Variants in DLGAP2 observed in about 807,000 individuals in gnomAD.
DLGAP2 encodes the protein disks large-associated protein 2.
A neutral mutation model predicts 100.3 loss-of-function variants in DLGAP2; 26 were observed. The ratio of observed to expected loss-of-function variants is 0.26; its 90% CI spans 0.19 to 0.36. DLGAP2 has a LOEUF of 0.36. DLGAP2 is among the 10% of genes least tolerant of loss of function. The pLI, the probability that DLGAP2 is intolerant of heterozygous loss-of-function variation, is 1.00. For missense variants in DLGAP2, 1,858 were observed against 1,453.2 expected (o/e 1.28, Z -4.53); for synonymous variants, 886 against 630.1 (o/e 1.41, Z -6.08).
At chr8:1,354,096 T>G (rs2129636673) in intron 3 of DLGAP2, among the ~76,000 whole-genome samples, 1 of 152,184 alleles carries the variant, frequency 6.6e-6, no homozygotes, top group East Asian at 1.9e-4. Flanking sequence ...CTTAAAAATA[T>G]TCATTAACTT....
At chr8:741,606 C>T (rs528849811) in intron 1 of DLGAP2, among the ~76,000 whole-genome samples, 1 of 152,292 alleles carries the variant, frequency 6.6e-6, no homozygotes, top group East Asian at 1.9e-4. Context: ...AGTGTCCTGT[C>T]TGTATTTATT....
chr8:1,564,386 C>T (rs1802309697), intron 5 of DLGAP2, among the ~76,000 whole-genome samples: 1 of 152,122 alleles, frequency 6.6e-6, no homozygotes, highest in Admixed American at 6.6e-5. Context: ...CATGGTTTAC[C>T]CTCCCCTCAG....
In DLGAP2 at chr8:1,678,214, A is replaced by C; in HGVS notation, c.2289A>C (p.Arg763=). ...SVGVQVEDEK[R]HGRFKRSNSV... is the part of the protein sequence containing the mutation. ...CTGTCTTCCTTCCCTCCTTTTGCAG[A>C]CACGGACGTTTTAAACGTTCTAACA... The change falls in exon 12 of 15, where the codon CGA becomes CGC. Residue 763 remains arginine, a splice_region_variant and synonymous_variant. Transcript: ENST00000637795. 6.2e-7 allele frequency: 1 copy of C among 1,606,356 alleles called. No homozygotes were observed. Among genetic ancestry groups the C allele is most frequent in the African/African-American group, 1.3e-5 (1 of 74,944 alleles).
At chr8:817,333 GCTAT>G (rs1468340956) in intron 1 of DLGAP2, among the ~76,000 whole-genome samples, 2 of 151,974 alleles carry the variant, frequency 1.3e-5, no homozygotes, top group African/African-American at 4.8e-5. Context: ...TTTTATTTAT[GCTAT>G]CTATTTCACT....
chr8:1,477,376 T>C (rs564623742), intron 3 of DLGAP2, among the ~76,000 whole-genome samples: 2 of 152,328 alleles, frequency 1.3e-5, no homozygotes, highest in South Asian at 2.1e-4. Context: ...CCTCCGGCTC[T>C]GTCCTTTCCT....
intron 13 of DLGAP2, among the ~76,000 whole-genome samples, chr8:1,693,279 T>G (rs1365857312): frequency 6.7e-6 from 1 of 149,198 alleles, no homozygotes; most frequent in South Asian, 2.1e-4. Flanking sequence ...TATATATACA[T>G]TTGCCTACAC....
At chr8:1,104,374 A>C (rs1454785585) in intron 2 of DLGAP2, among the ~76,000 whole-genome samples, 1 of 152,126 alleles carries the variant, frequency 6.6e-6, no homozygotes, top group Non-Finnish European at 1.5e-5. Context: ...CCATGTAAAG[A>C]GAGCCTGGGA....
intron 3 of DLGAP2, among the ~76,000 whole-genome samples, chr8:1,287,662 GGTTCT>G (rs1799970130): frequency 8.4e-6 from 1 of 119,654 alleles, no homozygotes; most frequent in Non-Finnish European, 1.7e-5. Context: ...GTGTGTGTAT[GGTTCT>G]GTTAGGAGGG....
chr8:1,143,326 G>C (rs1796553800), intron 2 of DLGAP2, among the ~76,000 whole-genome samples: 1 of 152,146 alleles, frequency 6.6e-6, no homozygotes, highest in Non-Finnish European at 1.5e-5. Context: ...TGGGCAATAA[G>C]GAGAATTTCT....
intron 2 of DLGAP2, among the ~76,000 whole-genome samples, chr8:1,105,431 G>A (rs1011934615): frequency 1.3e-5 from 2 of 152,114 alleles, no homozygotes; most frequent in Admixed American, 6.5e-5. Flanking sequence ...TTTGTCCTTT[G>A]ATGAGAACAG....
At chr8:925,982 C>T (rs1383196838) in intron 2 of DLGAP2, among the ~76,000 whole-genome samples, 1 of 152,204 alleles carries the variant, frequency 6.6e-6, no homozygotes, top group African/African-American at 2.4e-5. Flanking sequence ...ACACATCACA[C>T]TGCCATTACT....
chr8:985,407 G>A (rs556578306), intron 2 of DLGAP2, among the ~76,000 whole-genome samples: 19 of 152,314 alleles, frequency 1.2e-4, no homozygotes, highest in African/African-American at 4.3e-4. Flanking sequence ...CAAAACAAGG[G>A]CCATGACAAC....
intron 6 of DLGAP2, among the ~76,000 whole-genome samples, chr8:1,575,140 T>A (rs769574894): frequency 2.8e-4 from 43 of 152,184 alleles, no homozygotes; most frequent in Non-Finnish European, 5.7e-4. Context: ...GTGACTAGTA[T>A]TCCACACCGT....
chr8:771,218 T>C (rs1821349632), intron 1 of DLGAP2, among the ~76,000 whole-genome samples: 1 of 152,226 alleles, frequency 6.6e-6, no homozygotes, highest in Admixed American at 6.5e-5. Flanking sequence ...TGTCCACATC[T>C]ACTTGCAAAT....
intron 2 of DLGAP2, among the ~76,000 whole-genome samples, chr8:1,213,503 C>G (rs1585157969): frequency 6.6e-6 from 1 of 152,094 alleles, no homozygotes; most frequent in Non-Finnish European, 1.5e-5. Context: ...GTTAAATATT[C>G]CTGACTTTAT....
At chr8:1,448,679 A>T (rs1331143406) in intron 3 of DLGAP2, among the ~76,000 whole-genome samples, 2 of 152,234 alleles carry the variant, frequency 1.3e-5, no homozygotes, top group African/African-American at 2.4e-5. Flanking sequence ...CTTCTGAGCA[A>T]CTATCTTGAA....
rs1446688766 is a variant in DLGAP2 at position 930,021 on chromosome 8, C to T, written c.73+22055C>T. Among the ~76,000 whole-genome samples the T allele has an allele frequency of 5.3e-5, 8 of 152,146 alleles. No homozygotes were observed. In the South Asian group the frequency reaches 1.5e-3, roughly 28 times the overall value. Reference sequence around the variant, plus strand: ...TCTCTGGGAGGAGTGAGTTGGTGCACCTGCTCATCCTGATTCATGATTTTC... The same window carrying T: ...TCTCTGGGAGGAGTGAGTTGGTGCATCTGCTCATCCTGATTCATGATTTTC... On this transcript the variant is annotated intron_variant, in intron 2 of 14. Coordinates refer to ENST00000637795, the MANE Select transcript of DLGAP2 (RefSeq NM_001346810.2).
intron 3 of DLGAP2, among the ~76,000 whole-genome samples, chr8:1,321,740 A>G (rs1800906546): frequency 6.6e-6 from 1 of 152,202 alleles, no homozygotes; most frequent in African/African-American, 2.4e-5. Flanking sequence ...AACATCCAAA[A>G]TTTAGTGATT....
chr8:1,392,205 A>G (rs1796377575), intron 3 of DLGAP2, among the ~76,000 whole-genome samples: 1 of 152,176 alleles, frequency 6.6e-6, no homozygotes, highest in African/African-American at 2.4e-5. Flanking sequence ...TGGAACACCC[A>G]GATTATGGAC....
Sources: allele counts gnomAD v4.1 joint callset (sites outside exome capture counted in the v4.1 genomes callset), GRCh38; gene constraint gnomAD v4.1.1; transcripts MANE v1.5; gene names NCBI Gene and HGNC (gene_info 2026-07-23, HGNC 2026-07-21).